Variants in ATF6 observed in about 807,000 individuals in gnomAD.
ATF6 encodes activating transcription factor 6.
ATF6 carries 53 observed loss-of-function variants against 83.6 expected under a neutral mutation model. That is an observed-to-expected ratio of 0.63 (90% CI 0.51 to 0.80). The LOEUF (loss-of-function observed/expected upper bound fraction) is 0.80. Among genes scored for constraint, ATF6 ranks in the 30% least tolerant of loss-of-function variants. The probability of loss-of-function intolerance (pLI) is 0.00; values close to 1 mark genes in which losing one functional copy is unlikely to be tolerated. For missense variants in ATF6, 744 were observed against 797.9 expected, an observed-to-expected ratio of 0.93 and a Z score of 0.81; for synonymous variants, 288 against 285.8, an observed-to-expected ratio of 1.01 and a Z score of -0.08.
At position 161,851,787 on chromosome 1, in the gene ATF6, T is replaced by G; in HGVS notation, c.1385T>G (p.Ile462Ser). 2 of 1,613,966 alleles carry G rather than the reference T, an allele frequency of 1.2e-6. No individual in the cohort carries two copies. Among genetic ancestry groups the G allele is most frequent in the Non-Finnish European group, 1.7e-6 (2 of 1,179,858 alleles). Residue 462 changes from isoleucine (I) to serine (S), a missense_variant, in exon 11 of 16, where the codon ATT becomes AGT. Coordinates refer to ENST00000367942, the MANE Select transcript of ATF6 (RefSeq NM_007348.4). Reference sequence around the variant, plus strand: ...CTAACTGAAGAACCATTGCTTTACATTCCTCCACCTCCTTGTCAGCCCCTA... The same window carrying G: ...CTAACTGAAGAACCATTGCTTTACAGTCCTCCACCTCCTTGTCAGCCCCTA... ...MVLTEEPLLY[I>S]PPPPCQPLIN...
At chr1:161,955,097 C>T (rs565146874) in intron 15 of ATF6, among the ~76,000 whole-genome samples, 1 of 152,260 alleles carries the variant, frequency 6.6e-6, no homozygotes, top group East Asian at 1.9e-4. Flanking sequence ...TCTATTTTGT[C>T]ATAAAACCCA....
intron 2 of ATF6, among the ~76,000 whole-genome samples, chr1:161,779,230 A>G (rs893059050): frequency 5.3e-5 from 8 of 152,250 alleles, no homozygotes; most frequent in African/African-American, 1.9e-4. Context: ...TGAATAAGCA[A>G]CTGATACTCA....
chr1:161,866,160 A>G (rs1427176443), intron 14 of ATF6, among the ~76,000 whole-genome samples: 1 of 152,254 alleles, frequency 6.6e-6, no homozygotes, highest in East Asian at 1.9e-4. Context: ...TCGGCTTAGC[A>G]TGAACCAGAC....
At chr1:161,894,317 A>G (rs6427636) in intron 14 of ATF6, among the ~76,000 whole-genome samples, 21,392 of 150,996 alleles carry the variant, frequency 0.14, 2,086 homozygotes, top group East Asian at 0.32. Context: ...AAACATGAAG[A>G]CCACTAAAAT....
intron 6 of ATF6, among the ~76,000 whole-genome samples, chr1:161,793,584 G>C (rs1684936548): frequency 6.6e-6 from 1 of 152,148 alleles, no homozygotes; most frequent in Admixed American, 6.5e-5. Flanking sequence ...CTTCCCAAAG[G>C]CTAAGAATTT....
At chr1:161,898,528 G>A (rs1687720461) in intron 14 of ATF6, among the ~76,000 whole-genome samples, 1 of 151,592 alleles carries the variant, frequency 6.6e-6, no homozygotes, top group Non-Finnish European at 1.5e-5. Context: ...TATTCTGTGT[G>A]TGTGTGTTTT....
At chr1:161,830,994 C>T (rs1686044556) in intron 9 of ATF6, among the ~76,000 whole-genome samples, 1 of 152,100 alleles carries the variant, frequency 6.6e-6, no homozygotes. Context: ...AAGAAACTAC[C>T]GTCAGAGTGA....
chr1:161,950,109 T>G (rs779945122), intron 15 of ATF6, among the ~76,000 whole-genome samples: 5 of 152,224 alleles, frequency 3.3e-5, no homozygotes, highest in South Asian at 2.1e-4. Context: ...ATTCGTGGTG[T>G]TGTGTGACAA....
chr1:161,812,345 G>T, intron 7 of ATF6, among the ~76,000 whole-genome samples: 1 of 137,022 alleles, frequency 7.3e-6, no homozygotes, highest in African/African-American at 2.7e-5. Context: ...TCTGAAAATG[G>T]GAGCTGGAAT....
At chr1:161,863,177 C>T (rs1264011307) in intron 13 of ATF6, 21 bp from the exon 14 acceptor site, 3 of 1,406,748 alleles carry the variant, frequency 2.1e-6, no homozygotes, top group South Asian at 1.2e-5. Flanking sequence ...TTAGTAATAC[C>T]TTATATTTTT....
chr1:161,946,142 A>C (rs1688742988), intron 15 of ATF6, among the ~76,000 whole-genome samples: 1 of 152,108 alleles, frequency 6.6e-6, no homozygotes, highest in African/African-American at 2.4e-5. Flanking sequence ...CTACAGACAC[A>C]AACCATCATG....
intron 15 of ATF6, among the ~76,000 whole-genome samples, chr1:161,935,345 A>G (rs570303204): frequency 6.6e-6 from 1 of 152,188 alleles, no homozygotes; most frequent in African/African-American, 2.4e-5. Flanking sequence ...GGCTTCATGC[A>G]TGGGATTAGT....
In ATF6 at chr1:161,795,652, T is replaced by C. The variant is rs138313933; in HGVS notation, c.688+3325T>C. Reference sequence around the variant, plus strand: ...GGCATTGAATCCAGCCATGTTCCGTTAAGGGGGATTTGCATGTAATGCCAG... The same window carrying C: ...GGCATTGAATCCAGCCATGTTCCGTCAAGGGGGATTTGCATGTAATGCCAG... On this transcript the variant is annotated intron_variant, in intron 6 of 15. Coordinates refer to ENST00000367942, the MANE Select transcript of ATF6 (RefSeq NM_007348.4). Among the ~76,000 whole-genome samples the C allele has an allele frequency of 6.5e-3, 986 of 152,328 alleles. 9 individuals carry two copies. Among genetic ancestry groups the C allele is most frequent in the African/African-American group, 0.023 (939 of 41,562 alleles).
At position 161,961,654 on chromosome 1, in the gene ATF6, TA is replaced by T. The variant is rs949500743; in HGVS notation, c.*3003del. On this transcript the variant is annotated 3_prime_UTR_variant, in exon 16 of 16. Coordinates refer to ENST00000367942, the MANE Select transcript of ATF6 (RefSeq NM_007348.4). ...GTAATGTGTGTATTTTTTTATTTAT[TA>T]AATTTTAAACAGGATTGTGCAAGCT... 2 of 152,080 alleles carry T rather than the reference TA, an allele frequency of 1.3e-5. No homozygotes were observed. Among genetic ancestry groups the T allele is most frequent in the African/African-American group, 2.4e-5 (1 of 41,392 alleles). 9.4% of individuals were successfully genotyped at this position (152,080 alleles called of 1,614,324 possible).
rs982202582 is a variant in ATF6 at position 161,852,102 on chromosome 1, G to T, written c.1433+267G>T. Among the ~76,000 whole-genome samples, 3 of 152,234 alleles carry T rather than the reference G, an allele frequency of 2.0e-5. No individual in the cohort carries two copies. In the East Asian group the frequency reaches 5.8e-4, roughly 29 times the overall value. On this transcript the variant is annotated intron_variant, in intron 11 of 15. Transcript: ENST00000367942. ...TAATATTAAAATTTCATGGTGTTAG[G>T]CTTACAGTTGGTAACATTCATAGCA... is the stretch of plus-strand genomic sequence containing the variant.
At chr1:161,829,299 A>G (rs978237530) in intron 9 of ATF6, among the ~76,000 whole-genome samples, 6 of 146,156 alleles carry the variant, frequency 4.1e-5, no homozygotes, top group Admixed American at 7.4e-5. Flanking sequence ...TCCCGGGTTC[A>G]TGCATAATGG....
intron 9 of ATF6, among the ~76,000 whole-genome samples, chr1:161,829,094 A>C (rs1436283984): frequency 1.3e-5 from 2 of 151,942 alleles, no homozygotes; most frequent in Non-Finnish European, 2.9e-5. Flanking sequence ...TATCGTAAAT[A>C]TATATGCATC....
intron 9 of ATF6, 125 bp from the exon 10 acceptor site, chr1:161,846,324 G>A (rs1452219086): frequency 1.9e-6 from 2 of 1,046,266 alleles, no homozygotes; most frequent in East Asian, 5.8e-5. Context: ...TTGCGTCTAT[G>A]CCTAGCATTT....
At chr1:161,847,695 GT>G (rs1319646090) in intron 10 of ATF6, among the ~76,000 whole-genome samples, 1 of 151,992 alleles carries the variant, frequency 6.6e-6, no homozygotes, top group East Asian at 1.9e-4. Flanking sequence ...ATTTGTGCAG[GT>G]TTGCCCTACG....
Sources: gnomAD v4.1 joint callset for allele counts (sites outside exome capture counted in the v4.1 genomes callset) on GRCh38, gnomAD v4.1.1 for gene constraint, MANE v1.5 for transcripts, NCBI Gene and HGNC (gene_info 2026-07-23, HGNC 2026-07-21) for gene names.